LRRK2: variants seen among roughly 807,000 people sequenced by gnomAD.
The protein encoded by LRRK2 is leucine-rich repeat serine/threonine-protein kinase 2.
Under a neutral mutation model 302.6 loss-of-function variants are expected in LRRK2, and 203 were observed. The ratio of observed to expected loss-of-function variants is 0.67; its 90% CI spans 0.60 to 0.75. The LOEUF is 0.75. Among genes scored for constraint, LRRK2 ranks in the 30% least tolerant of loss-of-function variants. The pLI, the probability that LRRK2 is intolerant of heterozygous loss-of-function variation, is 0.00. For synonymous variants in LRRK2, 1,066 were observed against 1,031.9 expected (o/e 1.03, Z -0.63); for missense variants, 2,830 against 2,951.0 (o/e 0.96, Z 0.95).
intron 38 of LRRK2, among the ~76,000 whole-genome samples, chr12:40,325,757 G>A (rs1945529072): frequency 6.6e-6 from 1 of 152,132 alleles, no homozygotes; most frequent in South Asian, 2.1e-4. Context: ...TTATTTGTAG[G>A]GCAGCAATGC....
chr12:40,322,002 A>G lies in LRRK2; in HGVS notation c.5171-33A>G, dbSNP rs776402041. 10 of 1,610,444 alleles carry G rather than the reference A, an allele frequency of 6.2e-6. No homozygotes were observed. The Admixed American group carries it at 1.5e-4, about 24-fold the overall frequency. On this transcript the variant is annotated intron_variant, in intron 35 of 50. Transcript: ENST00000298910. ...GTAGATTTTTTCCCTTTAACTTAGG[A>G]AGCAGTTAATAATTAATGGCTCCAT...
Position 40,225,186 on chromosome 12 carries a change from T to C in LRRK2, c.55T>C (p.Leu19=). The C allele has an allele frequency of 6.2e-7, 1 of 1,614,122 alleles. No homozygotes were observed. Among genetic ancestry groups the C allele is most frequent in the Non-Finnish European group, 8.5e-7 (1 of 1,180,014 alleles). Reference sequence around the variant, plus strand: ...AGAGGACGAGGAAACTCTGAAGAAGTTGATAGTCAGGCTGAACAATGTCCA... The same window carrying C: ...AGAGGACGAGGAAACTCTGAAGAAGCTGATAGTCAGGCTGAACAATGTCCA... ...CEEDEETLKK[L]IVRLNNVQEG... Residue 19 remains leucine (L), a synonymous_variant, in exon 1 of 51, where the codon TTG becomes CTG. Transcript: ENST00000298910.
chr12:40,235,793 GTTT>G (rs36024911), intron 4 of LRRK2, 79 bp downstream of exon 4: 39,540 of 459,612 alleles, frequency 0.086, 426 homozygotes, highest in South Asian at 0.13. Flanking sequence ...GTGTGTGTGT[GTTT>G]TTTTTTTTTT....
At chr12:40,263,315 T>C (rs1376628589) in intron 13 of LRRK2, among the ~76,000 whole-genome samples, 1 of 151,958 alleles carries the variant, frequency 6.6e-6, no homozygotes, top group Non-Finnish European at 1.5e-5. Flanking sequence ...AAATGACATG[T>C]TCTCTACCAC....
At chr12:40,319,667 T>C (rs532887012) in intron 33 of LRRK2, among the ~76,000 whole-genome samples, 1 of 152,254 alleles carries the variant, frequency 6.6e-6, no homozygotes, top group South Asian at 2.1e-4. Flanking sequence ...TTGATGAGAC[T>C]GCAAAACAGA....
intron 3 of LRRK2, among the ~76,000 whole-genome samples, chr12:40,234,243 C>T (rs1423984987): frequency 1.3e-5 from 2 of 151,950 alleles, no homozygotes; most frequent in African/African-American, 4.8e-5. Flanking sequence ...GCTCAGTCTT[C>T]TTCCAATAAT....
chr12:40,322,894 A>T (rs905595041), intron 37 of LRRK2, among the ~76,000 whole-genome samples: 4 of 152,112 alleles, frequency 2.6e-5, no homozygotes, highest in African/African-American at 9.7e-5. Context: ...GAGAGTAGAT[A>T]ACTTTCTAGT....
chr12:40,309,638 A>G (rs1944969370), intron 30 of LRRK2, among the ~76,000 whole-genome samples: 1 of 152,196 alleles, frequency 6.6e-6, no homozygotes, highest in African/African-American at 2.4e-5. Context: ...AATTCTTCAG[A>G]TTGTATCCTT....
intron 38 of LRRK2, among the ~76,000 whole-genome samples, chr12:40,325,604 T>A (rs563793686): frequency 6.6e-6 from 1 of 152,334 alleles, no homozygotes; most frequent in South Asian, 2.1e-4. Flanking sequence ...TTGCCAAAGA[T>A]AAGGGGTGGG....
chr12:40,366,883 A>G (rs1370334060), intron 49 of LRRK2, 123 bp from the exon 50 acceptor site: 1 of 693,894 alleles, frequency 1.4e-6, no homozygotes, highest in African/African-American at 1.8e-5. Context: ...TCACCTAGAA[A>G]ATAGAATTGT....
chr12:40,318,415 G>C (rs1339417565), intron 33 of LRRK2, among the ~76,000 whole-genome samples: 1 of 152,012 alleles, frequency 6.6e-6, no homozygotes, highest in Non-Finnish European at 1.5e-5. Context: ...GATAATAATG[G>C]CTAACATACA....
At chr12:40,367,179 T>A in intron 50 of LRRK2, 102 bp downstream of exon 50, 1 of 979,996 alleles carries the variant, frequency 1.0e-6, no homozygotes, top group East Asian at 2.6e-5. Flanking sequence ...ACATATGGTA[T>A]AATCAGGAAT....
intron 41 of LRRK2, 66 bp from the exon 42 acceptor site, chr12:40,346,687 T>C: frequency 1.4e-6 from 2 of 1,458,782 alleles, no homozygotes; most frequent in South Asian, 1.2e-5. Context: ...AGCCTAAGTG[T>C]ATGCCTCCTT....
chr12:40,328,508 T>C (rs1945618887), intron 39 of LRRK2, 48 bp downstream of exon 39: 2 of 1,370,438 alleles, frequency 1.5e-6, no homozygotes, highest in Non-Finnish European at 2.0e-6. Context: ...ATTATTAATC[T>C]ACTGGAACTC....
intron 40 of LRRK2, among the ~76,000 whole-genome samples, chr12:40,337,129 C>G (rs930223477): frequency 9.0e-6 from 1 of 111,306 alleles, no homozygotes; most frequent in Non-Finnish European, 2.0e-5. Context: ...ATTTCAGTAG[C>G]TATCAATCTT....
At chr12:40,310,181 G>A (rs868546994) in intron 30 of LRRK2, among the ~76,000 whole-genome samples, 35 of 152,156 alleles carry the variant, frequency 2.3e-4, no homozygotes, top group Admixed American at 1.8e-3. Flanking sequence ...TACCACTACC[G>A]TTATATATGC....
At chr12:40,226,009 G>A (rs1940859445) in intron 2 of LRRK2, among the ~76,000 whole-genome samples, 2 of 152,302 alleles carry the variant, frequency 1.3e-5, no homozygotes, top group African/African-American at 2.4e-5. Flanking sequence ...TAGATGAGAA[G>A]ATTATGAATA....
intron 39 of LRRK2, among the ~76,000 whole-genome samples, chr12:40,328,903 C>A (rs898968401): frequency 1.3e-5 from 2 of 152,208 alleles, no homozygotes; most frequent in Non-Finnish European, 2.9e-5. Context: ...GACCTTGAAG[C>A]CTAGCAAGCT....
In LRRK2 at chr12:40,251,254, A is replaced by T; in HGVS notation, c.981A>T (p.Gln327His). 1 of 1,601,808 alleles carries T rather than the reference A, an allele frequency of 6.2e-7. No individual in the cohort carries two copies. Among genetic ancestry groups the T allele is most frequent in the South Asian group, 1.1e-5 (1 of 89,404 alleles). ...ALLTETIFLNQDLEEKNENQE... is the reference protein window; with the variant it reads ...ALLTETIFLNHDLEEKNENQE... ...AAGCTGAGACTATTTTCTTAAATCA[A>T]GATTTAGAGGAAAAGAATGAGAATC... is the stretch of plus-strand genomic sequence containing the variant. Residue 327 changes from glutamine (Q) to histidine (H), a missense_variant, in exon 9 of 51, where the codon CAA becomes CAT. Coordinates refer to ENST00000298910, the MANE Select transcript of LRRK2 (RefSeq NM_198578.4).
Sources: allele counts gnomAD v4.1 joint callset (sites outside exome capture counted in the v4.1 genomes callset), GRCh38; gene constraint gnomAD v4.1.1; transcripts MANE v1.5; gene names NCBI Gene and HGNC (gene_info 2026-07-23, HGNC 2026-07-21).